RNF111: variants seen among roughly 807,000 people sequenced by gnomAD.
The protein encoded by RNF111 is ring finger protein 111.
A neutral mutation model predicts 95.1 loss-of-function variants in RNF111; 17 were observed. The ratio of observed to expected loss-of-function variants is 0.18; its 90% CI spans 0.12 to 0.27. The LOEUF is 0.27. Among genes scored for constraint, RNF111 ranks in the 10% least tolerant of loss-of-function variants. The probability of loss-of-function intolerance (pLI) is 1.00; values close to 1 mark genes in which losing one functional copy is unlikely to be tolerated. For missense variants in RNF111, 1,189 were observed against 1,210.4 expected, an observed-to-expected ratio of 0.98 and a Z score of 0.26; for synonymous variants, 440 against 414.8, an observed-to-expected ratio of 1.06 and a Z score of -0.74.
intron 1 of RNF111, 134 bp from the exon 2 acceptor site, chr15:59,030,670 A>C (rs769334534): frequency 1.8e-6 from 1 of 569,066 alleles, no homozygotes; most frequent in Non-Finnish European, 2.9e-6. Context: ...CATAACAGAC[A>C]TTTTGTGTAC....
intron 4 of RNF111, among the ~76,000 whole-genome samples, chr15:59,057,016 C>T (rs12441973): frequency 0.26 from 40,064 of 151,968 alleles, 5,373 homozygotes; most frequent in East Asian, 0.41. Context: ...CATTGGAAAG[C>T]TTCTCTCTTA....
chr15:58,991,774 T>C (rs1473845201), intron 1 of RNF111, among the ~76,000 whole-genome samples: 2 of 152,224 alleles, frequency 1.3e-5, no homozygotes, highest in East Asian at 1.9e-4. Context: ...TGCTGTCAGA[T>C]GATGTAGACA....
Position 59,031,629 on chromosome 15 carries a change from A to T in RNF111, c.807A>T (p.Ser269=). 1 of 1,614,218 alleles carries T rather than the reference A, an allele frequency of 6.2e-7. No individual in the cohort carries two copies. Among genetic ancestry groups the T allele is most frequent in the Non-Finnish European group, 8.5e-7 (1 of 1,180,016 alleles). Residue 269 remains serine, a synonymous_variant, in exon 2 of 14, where the codon TCA becomes TCT. Coordinates refer to ENST00000348370, the MANE Select transcript of RNF111 (RefSeq NM_017610.8). ...TCAGCAGTGAATCCTCTTCTAGCTC[A>T]TCAACTGAAGGAGAAGAAGATTTGT... ...NDLSSESSSS[S]STEGEEDLFV...
chr15:59,038,092 C>T lies in RNF111; in HGVS notation c.880+6390C>T, dbSNP rs1214187397. Among the ~76,000 whole-genome samples, 7 of 152,214 alleles carry T rather than the reference C, an allele frequency of 4.6e-5. No individual in the cohort carries two copies. The East Asian group carries it at 1.3e-3, about 29-fold the overall frequency. ...GAGTTAGTGATTATTACCCACATTT[C>T]CTGAAAATAATTTTATTCACACAAC... On this transcript the variant is annotated intron_variant, in intron 2 of 13. Coordinates refer to ENST00000348370, the MANE Select transcript of RNF111 (RefSeq NM_017610.8).
In RNF111 at chr15:59,091,190, C is replaced by T. The variant is rs564321774; in HGVS notation, c.2739+36C>T. On this transcript the variant is annotated intron_variant, in intron 12 of 13. Transcript: ENST00000348370. ...ATTCTATGAAACTTCTGGAGTGTTA[C>T]TGAAAGGCATAAATGTAATATATAC... 2.9e-5 allele frequency: 35 copies of T among 1,223,094 alleles called. No homozygotes were observed. In the East Asian group the frequency reaches 3.1e-4, roughly 11 times the overall value. 75.8% of individuals were successfully genotyped at this position (1,223,094 alleles called of 1,614,324 possible).
chr15:59,076,525 G>A (rs1225447721), intron 7 of RNF111, among the ~76,000 whole-genome samples: 1 of 152,170 alleles, frequency 6.6e-6, no homozygotes, highest in African/African-American at 2.4e-5. Flanking sequence ...AGCTTTGGGA[G>A]TTGTAAAAGG....
chr15:59,090,488 C>T (rs1410613919), intron 11 of RNF111, among the ~76,000 whole-genome samples: 1 of 152,220 alleles, frequency 6.6e-6, no homozygotes, highest in Non-Finnish European at 1.5e-5. Context: ...CCTTGGCCTC[C>T]CAAAGTACTG....
intron 1 of RNF111, among the ~76,000 whole-genome samples, chr15:58,993,152 A>T (rs2141367559): frequency 6.6e-6 from 1 of 152,138 alleles, no homozygotes; most frequent in Non-Finnish European, 1.5e-5. Flanking sequence ...TCTGGGTGAC[A>T]GAGCAAGATT....
At chr15:59,053,171 C>A (rs144289361) in intron 3 of RNF111, among the ~76,000 whole-genome samples, 1 of 152,098 alleles carries the variant, frequency 6.6e-6, no homozygotes, top group Non-Finnish European at 1.5e-5. Context: ...GTAATTTTAT[C>A]GGTGCTCTGA....
At chr15:59,052,748 C>A (rs1943550495) in intron 3 of RNF111, among the ~76,000 whole-genome samples, 1 of 151,764 alleles carries the variant, frequency 6.6e-6, no homozygotes, top group African/African-American at 2.4e-5. Flanking sequence ...GCATTAAACT[C>A]ACCTGGAGAG....
intron 9 of RNF111, chr15:59,085,387 A>G (rs558046247): frequency 1.5e-3 from 294 of 195,894 alleles, no homozygotes; most frequent in Non-Finnish European, 2.5e-3. Context: ...TTGGAAGGGA[A>G]CTTCGTAGCC....
intron 1 of RNF111, among the ~76,000 whole-genome samples, chr15:59,007,994 G>T: frequency 6.6e-6 from 1 of 152,044 alleles, no homozygotes; most frequent in East Asian, 1.9e-4. Context: ...AAGAGCGGAG[G>T]TTTTGATTTT....
intron 1 of RNF111, among the ~76,000 whole-genome samples, chr15:58,990,974 G>A (rs1340425599): frequency 1.3e-5 from 2 of 152,044 alleles, no homozygotes; most frequent in Admixed American, 1.3e-4. Context: ...CATTACATGA[G>A]GAGTGAATTA....
At chr15:59,036,244 G>C (rs1380781619) in intron 2 of RNF111, among the ~76,000 whole-genome samples, 5 of 152,064 alleles carry the variant, frequency 3.3e-5, no homozygotes, top group Non-Finnish European at 7.3e-5. Context: ...TTTTATTAGA[G>C]ACTGGGTTTC....
At chr15:58,993,979 C>T (rs1260307150) in intron 1 of RNF111, among the ~76,000 whole-genome samples, 1 of 150,380 alleles carries the variant, frequency 6.6e-6, no homozygotes, top group East Asian at 2.0e-4. Context: ...ATAGGGCACT[C>T]GAATAAATTA....
intron 11 of RNF111, 104 bp from the exon 12 acceptor site, chr15:59,090,955 G>A (rs919851934): frequency 3.8e-5 from 25 of 656,868 alleles, no homozygotes; most frequent in Non-Finnish European, 6.6e-5. Flanking sequence ...TATTTATATT[G>A]CAAGTTTCTA....
At chr15:59,062,569 A>G (rs971321234) in intron 5 of RNF111, among the ~76,000 whole-genome samples, 1 of 152,330 alleles carries the variant, frequency 6.6e-6, no homozygotes, top group Middle Eastern at 3.4e-3. Flanking sequence ...AAAACAGATA[A>G]ATTTTTGTTC....
At chr15:59,026,573 A>G (rs1476178383) in intron 1 of RNF111, among the ~76,000 whole-genome samples, 1 of 152,240 alleles carries the variant, frequency 6.6e-6, no homozygotes, top group Admixed American at 6.5e-5. Context: ...AGACTAGAAT[A>G]TGGTTTTATC....
At chr15:59,019,761 C>T (rs1216603318) in intron 1 of RNF111, among the ~76,000 whole-genome samples, 8 of 152,078 alleles carry the variant, frequency 5.3e-5, no homozygotes, top group African/African-American at 1.9e-4. Context: ...GAATTCGAGA[C>T]CGGCCTGGCC....
Sources: allele counts gnomAD v4.1 joint callset (sites outside exome capture counted in the v4.1 genomes callset), GRCh38; gene constraint gnomAD v4.1.1; transcripts MANE v1.5; gene names NCBI Gene and HGNC (gene_info 2026-07-23, HGNC 2026-07-21).